Variants in PTPRJ observed in about 807,000 individuals in gnomAD.
The protein encoded by PTPRJ is protein tyrosine phosphatase receptor type J.
Under a neutral mutation model 141.3 loss-of-function variants are expected in PTPRJ, and 129 were observed. The ratio of observed to expected loss-of-function variants is 0.91; its 90% CI spans 0.79 to 1.06. PTPRJ has a LOEUF of 1.06. Among genes scored for constraint, PTPRJ ranks in the 50% least tolerant of loss-of-function variants. PTPRJ has a pLI of 0.00. For missense variants in PTPRJ, 1,601 were observed against 1,679.7 expected (o/e 0.95, Z 0.82); for synonymous variants, 610 against 640.5 (o/e 0.95, Z 0.72).
rs572940286 is a variant in PTPRJ at position 48,097,182 on chromosome 11, C to T, written c.97-12876C>T. 1.2e-3 allele frequency among the ~76,000 whole-genome samples: 181 copies of T among 152,214 alleles called. 1 individual carries two copies. The highest frequency in any genetic ancestry group is 4.1e-3 in the Admixed American group (63 of 15,282). ...CCCACTGAGGAAGGCTCTGGCTGTG[C>T]TGGGGGAGGGGAGTTTATGCTCGTC... On this transcript the variant is annotated intron_variant, in intron 1 of 24. Coordinates refer to ENST00000418331, the MANE Select transcript of PTPRJ (RefSeq NM_002843.4).
At chr11:48,040,766 T>C (rs1284815042) in intron 1 of PTPRJ, among the ~76,000 whole-genome samples, 1 of 152,092 alleles carries the variant, frequency 6.6e-6, no homozygotes, top group African/African-American at 2.4e-5. Flanking sequence ...CATGCCCGGC[T>C]AATTTTTGTA....
At chr11:48,044,457 A>C (rs980581268) in intron 1 of PTPRJ, among the ~76,000 whole-genome samples, 1 of 152,198 alleles carries the variant, frequency 6.6e-6, no homozygotes, top group African/African-American at 2.4e-5. Flanking sequence ...GATTTTCAGC[A>C]GGACTCTAAG....
chr11:48,013,405 A>G (rs1015604321), intron 1 of PTPRJ, among the ~76,000 whole-genome samples: 6 of 152,194 alleles, frequency 3.9e-5, no homozygotes, highest in Admixed American at 3.9e-4. Context: ...CAGTGCCGGT[A>G]CTAGGTAGAC....
chr11:48,070,996 G>A (rs557907089), intron 1 of PTPRJ, among the ~76,000 whole-genome samples: 11 of 152,164 alleles, frequency 7.2e-5, no homozygotes, highest in African/African-American at 2.6e-4. Context: ...ACCTTTAGTT[G>A]GTCTGAATGT....
intron 1 of PTPRJ, among the ~76,000 whole-genome samples, chr11:48,004,088 T>C (rs1854565743): frequency 6.6e-6 from 1 of 152,218 alleles, no homozygotes; most frequent in Non-Finnish European, 1.5e-5. Flanking sequence ...TCAGGTGCTC[T>C]CATTTTATTT....
At chr11:48,122,469 T>A (rs754026560) in intron 4 of PTPRJ, among the ~76,000 whole-genome samples, 1 of 152,198 alleles carries the variant, frequency 6.6e-6, no homozygotes, top group Non-Finnish European at 1.5e-5. Flanking sequence ...GCACGGCACA[T>A]GTGCCTCTCT....
chr11:48,083,245 G>A (rs925348877), intron 1 of PTPRJ, among the ~76,000 whole-genome samples: 2 of 152,160 alleles, frequency 1.3e-5, no homozygotes, highest in Non-Finnish European at 2.9e-5. Context: ...GACCAACATG[G>A]TGAAACCATA....
chr11:48,036,971 A>C (rs1185762090), intron 1 of PTPRJ, among the ~76,000 whole-genome samples: 1 of 152,228 alleles, frequency 6.6e-6, no homozygotes, highest in East Asian at 1.9e-4. Flanking sequence ...GTCAGCTTGT[A>C]TCAGAGTCAT....
At chr11:48,080,276 C>G (rs1855523806) in intron 1 of PTPRJ, among the ~76,000 whole-genome samples, 1 of 152,176 alleles carries the variant, frequency 6.6e-6, no homozygotes, top group African/African-American at 2.4e-5. Context: ...TTAACTTTTT[C>G]AAGTGCATAC....
At chr11:48,082,234 C>A (rs1855576982) in intron 1 of PTPRJ, among the ~76,000 whole-genome samples, 1 of 152,090 alleles carries the variant, frequency 6.6e-6, no homozygotes, top group Admixed American at 6.6e-5. Context: ...CATCCAGTTT[C>A]TCTTCTTTTT....
At chr11:48,154,488 T>C (rs367736127) in intron 19 of PTPRJ, among the ~76,000 whole-genome samples, 5 of 152,348 alleles carry the variant, frequency 3.3e-5, no homozygotes, top group African/African-American at 1.2e-4. Context: ...CATCAAACCA[T>C]TAGATGAAAT....
chr11:47,981,299 T>C (rs1194197091), intron 1 of PTPRJ, among the ~76,000 whole-genome samples: 2 of 152,086 alleles, frequency 1.3e-5, no homozygotes, highest in Non-Finnish European at 2.9e-5. Context: ...CTGGCCCGGC[T>C]CTTCCCGGCG....
At chr11:48,068,635 C>G (rs1434696610) in intron 1 of PTPRJ, among the ~76,000 whole-genome samples, 1 of 152,168 alleles carries the variant, frequency 6.6e-6, no homozygotes, top group Non-Finnish European at 1.5e-5. Flanking sequence ...CAGACATGGA[C>G]CTTGGCTGTA....
chr11:48,137,102 G>A lies in PTPRJ; in HGVS notation c.1973G>A (p.Cys658Tyr). ...GACGCCTCTCCCACGTACTCCTACT[G>A]CCTTCTTATTGAGAAGGCTGGAAAT... ...FDDASPTYSY[C>Y]LLIEKAGNSS... The change falls in exon 10 of 25, where the codon TGC becomes TAC. Residue 658 changes from cysteine (C) to tyrosine (Y), a missense_variant. Coordinates refer to ENST00000418331, the MANE Select transcript of PTPRJ (RefSeq NM_002843.4). The A allele has an allele frequency of 2.5e-6, 4 of 1,608,922 alleles. No individual in the cohort carries two copies. The highest frequency in any genetic ancestry group is 3.4e-6 in the Non-Finnish European group (4 of 1,175,264).
At chr11:47,987,856 A>G (rs763493198) in intron 1 of PTPRJ, among the ~76,000 whole-genome samples, 9 of 152,182 alleles carry the variant, frequency 5.9e-5, no homozygotes, top group Non-Finnish European at 1.2e-4. Context: ...AAATGGTAGG[A>G]TAAGGGGTGG....
At position 48,010,780 on chromosome 11, in the gene PTPRJ, C is replaced by T. The variant is rs1854763185; in HGVS notation, c.96+29772C>T. Among the ~76,000 whole-genome samples, 3 of 152,158 alleles carry T rather than the reference C, an allele frequency of 2.0e-5. No homozygotes were observed. The South Asian group carries it at 6.2e-4, about 32-fold the overall frequency. The stretch of plus-strand genomic sequence containing the variant: ...CGAACTCCTGACCTCAGGTGATCCA[C>T]CTGCCTTGGCCTCCTAAAGTGCTGG... On this transcript the variant is annotated intron_variant, in intron 1 of 24. Transcript: ENST00000418331.
At chr11:48,089,533 C>CA (rs75007177) in intron 1 of PTPRJ, among the ~76,000 whole-genome samples, 1 of 128,794 alleles carries the variant, frequency 7.8e-6, no homozygotes, top group Admixed American at 7.8e-5. Flanking sequence ...AAAAAAAAAA[C>CA]AAAAAAAACC....
chr11:48,128,184 G>A (rs2134348718), intron 7 of PTPRJ, 141 bp downstream of exon 7: 5 of 1,112,178 alleles, frequency 4.5e-6, no homozygotes, highest in Non-Finnish European at 6.4e-6. Flanking sequence ...CCTTGCACTG[G>A]CACATTGTAT....
In PTPRJ at chr11:48,055,678, C is replaced by T. The variant is rs572436263; in HGVS notation, c.97-54380C>T. Among the ~76,000 whole-genome samples the T allele has an allele frequency of 2.0e-5, 3 of 152,264 alleles. No homozygotes were observed. In the East Asian group the frequency reaches 5.8e-4, roughly 29 times the overall value. On this transcript the variant is annotated intron_variant, in intron 1 of 24. Coordinates refer to ENST00000418331, the MANE Select transcript of PTPRJ (RefSeq NM_002843.4). ...TGCAGTCCTGGGGGCACGAGGGTCCCATTCCACCCTGGGGCTTCAGGGTCA... is the reference window on the plus strand; with the variant it reads ...TGCAGTCCTGGGGGCACGAGGGTCCTATTCCACCCTGGGGCTTCAGGGTCA...
Sources: allele counts gnomAD v4.1 joint callset (sites outside exome capture counted in the v4.1 genomes callset), GRCh38; gene constraint gnomAD v4.1.1; transcripts MANE v1.5; gene names NCBI Gene and HGNC (gene_info 2026-07-23, HGNC 2026-07-21).